Variants in IL34 observed in about 807,000 individuals in gnomAD.
IL34 encodes the protein interleukin 34.
Under a neutral mutation model 25.3 loss-of-function variants are expected in IL34, and 17 were observed. The ratio of observed to expected loss-of-function variants is 0.67; its 90% CI spans 0.46 to 1.01. The LOEUF (loss-of-function observed/expected upper bound fraction) is 1.01, where lower values mean the gene tolerates loss of function less well. Ranked by LOEUF, IL34 falls within the 50% of genes least tolerant of loss-of-function variation. The probability of loss-of-function intolerance (pLI) is 0.00; values close to 1 mark genes in which losing one functional copy is unlikely to be tolerated. For synonymous variants in IL34, 174 were observed against 140.9 expected (o/e 1.23, Z -1.66); for missense variants, 368 against 312.9 (o/e 1.18, Z -1.33).
chr16:70,595,208 A>ACCT (rs2050804932), intron 1 of IL34, among the ~76,000 whole-genome samples: 2 of 151,914 alleles, frequency 1.3e-5, no homozygotes, highest in African/African-American at 4.8e-5. Flanking sequence ...TGATCCGCCC[A>ACCT]CCTCGGCCTC....
chr16:70,585,555 C>T (rs1178553889), intron 1 of IL34, among the ~76,000 whole-genome samples: 2 of 151,734 alleles, frequency 1.3e-5, no homozygotes, highest in Non-Finnish European at 2.9e-5. Flanking sequence ...CCTGGTGGTG[C>T]GCACCTGTAG....
At chr16:70,622,503 C>T (rs2051303860) in intron 1 of IL34, among the ~76,000 whole-genome samples, 1 of 151,842 alleles carries the variant, frequency 6.6e-6, no homozygotes, top group Non-Finnish European at 1.5e-5. Context: ...ATAGCATAGC[C>T]TGCCTTTGCT....
chr16:70,613,336 T>G (rs918820798), intron 1 of IL34, among the ~76,000 whole-genome samples: 2 of 152,172 alleles, frequency 1.3e-5, no homozygotes, highest in African/African-American at 4.8e-5. Context: ...CAGGCAGGCT[T>G]GTAGCGTAGA....
At chr16:70,629,632 G>A (rs1320334962) in intron 1 of IL34, among the ~76,000 whole-genome samples, 1 of 151,790 alleles carries the variant, frequency 6.6e-6, no homozygotes, top group African/African-American at 2.4e-5. Context: ...TGTTTGGGGA[G>A]TAATGACAAG....
Position 70,599,293 on chromosome 16 carries a change from C to CTTTCATTCTTTCTTTCTTTCTTTCTTCT in IL34, c.-401+19246_-401+19247insTCATTCTTTCTTTCTTTCTTTCTTCTTT, listed in dbSNP as rs113794220. 5.6e-3 allele frequency among the ~76,000 whole-genome samples: 738 copies of CTTTCATTCTTTCTTTCTTTCTTTCTTCT among 132,792 alleles called. 11 individuals carry two copies. Among genetic ancestry groups the CTTTCATTCTTTCTTTCTTTCTTTCTTCT allele is most frequent in the African/African-American group, 0.021 (692 of 33,162 alleles). 87.1% of individuals were successfully genotyped at this position (132,792 alleles called of 152,430 possible). ...TCTTTCTTTCTTTCTTTCTTTCTTT[C>CTTTCATTCTTTCTTTCTTTCTTTCTTCT]TTCTTTCTTTCCTTCTTTCTTTCTT... On this transcript the variant is annotated intron_variant, in intron 1 of 6. Coordinates refer to the IL34 transcript ENST00000429149.
intron 1 of IL34, among the ~76,000 whole-genome samples, chr16:70,613,592 A>G (rs1276846658): frequency 6.6e-6 from 1 of 152,156 alleles, no homozygotes; most frequent in Non-Finnish European, 1.5e-5. Flanking sequence ...TGCAGAGTCC[A>G]GCCAGGAGTG....
chr16:70,647,115 A>T, intron 1 of IL34, 140 bp downstream of exon 1: 2 of 779,896 alleles, frequency 2.6e-6, no homozygotes, highest in South Asian at 2.6e-5. Context: ...ACACCCTCTG[A>T]GATTCCCACG....
intron 1 of IL34, among the ~76,000 whole-genome samples, chr16:70,580,661 A>G (rs1474602002): frequency 4.0e-5 from 6 of 151,832 alleles, no homozygotes; most frequent in Non-Finnish European, 7.4e-5. Flanking sequence ...CATGCCTGTA[A>G]TCCCAGCTAC....
At chr16:70,657,258 G>A (rs919211774) in intron 4 of IL34, 137 bp downstream of exon 4, 6 of 888,838 alleles carry the variant, frequency 6.8e-6, no homozygotes, top group Non-Finnish European at 8.4e-6. Flanking sequence ...GGACGTGGGA[G>A]AAGTGGGGGA....
intron 1 of IL34, among the ~76,000 whole-genome samples, chr16:70,625,517 A>C (rs1013597448): frequency 7.2e-5 from 11 of 152,024 alleles, no homozygotes; most frequent in African/African-American, 2.7e-4. Flanking sequence ...GAGGGAGAGA[A>C]GGAGTTGGGG....
At chr16:70,644,936 A>AGAG (rs796861760), upstream of IL34, among the ~76,000 whole-genome samples, 5,802 of 43,702 alleles carry the variant, frequency 0.13, 530 homozygotes, top group African/African-American at 0.5. Flanking sequence ...GGAAGGAGGA[A>AGAG]GAGGAGGAAG....
At chr16:70,632,728 G>C (rs2051547551) in intron 1 of IL34, among the ~76,000 whole-genome samples, 1 of 152,134 alleles carries the variant, frequency 6.6e-6, no homozygotes, top group African/African-American at 2.4e-5. Context: ...TGTGACAGAT[G>C]AGCAAGAAGG....
At chr16:70,611,473 A>G in intron 1 of IL34, among the ~76,000 whole-genome samples, 1 of 152,110 alleles carries the variant, frequency 6.6e-6, no homozygotes, top group East Asian at 1.9e-4. Context: ...CTCAAATAGA[A>G]CAACACTGTG....
chr16:70,649,629 T>TTA (rs1286308386), intron 1 of IL34, among the ~76,000 whole-genome samples: 3 of 152,048 alleles, frequency 2.0e-5, no homozygotes, highest in Non-Finnish European at 4.4e-5. Context: ...GAGATGCTAT[T>TTA]TAACCCACTG....
rs117455079 is a variant in IL34, at chr16:70,583,348, T to A, written c.-401+3299T>A. 7.2e-5 allele frequency among the ~76,000 whole-genome samples: 11 copies of A among 152,080 alleles called. No individual in the cohort carries two copies. In the East Asian group the frequency reaches 2.1e-3, roughly 30 times the overall value. ...GGCTGCTGACCTCAACAGATTCACC[T>A]GCCTCAGCCTTCCAAAGTGCTGGGA... On this transcript the variant is annotated intron_variant, in intron 1 of 6. Transcript: ENST00000429149.
intron 1 of IL34, among the ~76,000 whole-genome samples, chr16:70,630,421 G>A (rs1436138924): frequency 2.0e-5 from 3 of 151,414 alleles, no homozygotes; most frequent in African/African-American, 7.3e-5. Flanking sequence ...TAGTAGAGAC[G>A]AGGTTTCACC....
rs2052250537 is a variant in IL34, at chr16:70,657,128, T to A, written c.402+7T>A. On this transcript the variant is annotated splice_region_variant and intron_variant, in intron 4 of 5. Transcript: ENST00000288098. ...TGTCCAGCAGGGCCTCACGGTGAGT[T>A]GTGTGGAGGAGTGGCAGGTGGGGTG... 3 of 1,611,488 alleles carry A rather than the reference T, an allele frequency of 1.9e-6. No homozygotes were observed. The highest frequency in any genetic ancestry group is 2.5e-6 in the Non-Finnish European group (3 of 1,179,294).
intron 1 of IL34, among the ~76,000 whole-genome samples, chr16:70,586,918 C>T (rs956356286): frequency 1.3e-5 from 2 of 152,186 alleles, no homozygotes; most frequent in Non-Finnish European, 2.9e-5. Context: ...GTTTGGTCAC[C>T]TTGCTGGAGG....
intron 1 of IL34, among the ~76,000 whole-genome samples, chr16:70,616,868 C>A (rs918008996): frequency 1.3e-4 from 20 of 152,166 alleles, no homozygotes; most frequent in African/African-American, 4.3e-4. Context: ...TGTATACGTG[C>A]AAGTCACAGG....
Sources: gnomAD v4.1 joint callset for allele counts (sites outside exome capture counted in the v4.1 genomes callset) on GRCh38, gnomAD v4.1.1 for gene constraint, MANE v1.5 for transcripts, NCBI Gene and HGNC (gene_info 2026-07-23, HGNC 2026-07-21) for gene names.